IL1RAPL1: variants seen among roughly 807,000 people sequenced by gnomAD.
IL1RAPL1 encodes the protein interleukin 1 receptor accessory protein like 1.
A neutral mutation model predicts 48.4 loss-of-function variants in IL1RAPL1; 3 were observed. The observed-to-expected ratio is 0.06, with a 90% confidence interval of 0.03 to 0.16. The LOEUF is 0.16. IL1RAPL1 is among the 10% of genes least tolerant of loss of function. The pLI is 1.00. For missense variants in IL1RAPL1, 349 were observed against 530.6 expected (o/e 0.66, Z 3.36); for synonymous variants, 185 against 187.7 (o/e 0.99, Z 0.12).
intron 2 of IL1RAPL1, among the ~76,000 whole-genome samples, chrX:29,262,633 A>G (rs1931880086): frequency 9.2e-6 from 1 of 109,237 alleles, no homozygotes; most frequent in African/African-American, 3.3e-5. Flanking sequence ...ACTGAACTCC[A>G]GCCTTGGCAA....
At chrX:29,102,281 CT>C (rs1166730476) in intron 2 of IL1RAPL1, among the ~76,000 whole-genome samples, 2 of 112,156 alleles carry the variant, frequency 1.8e-5, no homozygotes, top group African/African-American at 3.2e-5. Flanking sequence ...AAGATGCCCA[CT>C]TTCACCACTG....
intron 2 of IL1RAPL1, among the ~76,000 whole-genome samples, chrX:28,843,966 C>T (rs1921441565): frequency 9.1e-6 from 1 of 109,915 alleles, no homozygotes; most frequent in African/African-American, 3.3e-5. Flanking sequence ...CTTATTGTTT[C>T]AATAGCCTCT....
chrX:29,680,164 TAA>T (rs1926406657), intron 6 of IL1RAPL1, among the ~76,000 whole-genome samples: 1 of 111,350 alleles, frequency 9.0e-6, no homozygotes, highest in Non-Finnish European at 1.9e-5. Context: ...ACAAATCACT[TAA>T]AAGACAGGAG....
intron 2 of IL1RAPL1, among the ~76,000 whole-genome samples, chrX:28,849,443 C>G (rs775689562): frequency 9.0e-6 from 1 of 111,728 alleles, no homozygotes; most frequent in East Asian, 2.8e-4. Flanking sequence ...TGTTCTTCTT[C>G]CTAGAAAATC....
At chrX:29,228,120 C>T (rs1408090440) in intron 2 of IL1RAPL1, among the ~76,000 whole-genome samples, 1 of 104,447 alleles carries the variant, frequency 9.6e-6, no homozygotes, top group Non-Finnish European at 1.9e-5. Context: ...TAGAACCTTG[C>T]GAGCCATTCC....
chrX:28,968,761 ATATGTGCACATTTGTGTGCATG>A (rs1227581691), intron 2 of IL1RAPL1, among the ~76,000 whole-genome samples: 2 of 112,914 alleles, frequency 1.8e-5, no homozygotes, highest in Non-Finnish European at 3.7e-5. Flanking sequence ...GTATACTCAC[ATATGTGCACATTTGTGTGCATG>A]TGTGTGCACA....
At chrX:28,763,133 G>T (rs1448130680) in intron 1 of IL1RAPL1, among the ~76,000 whole-genome samples, 1 of 110,954 alleles carries the variant, frequency 9.0e-6, no homozygotes, top group African/African-American at 3.3e-5. Flanking sequence ...TGGGTCATCT[G>T]CTTATTCCTG....
chrX:29,537,039 A>G (rs1370207767), intron 5 of IL1RAPL1, among the ~76,000 whole-genome samples: 1 of 111,072 alleles, frequency 9.0e-6, no homozygotes, highest in Admixed American at 9.6e-5. Flanking sequence ...TAGAGTACAC[A>G]TATAATTTCC....
intron 5 of IL1RAPL1, among the ~76,000 whole-genome samples, chrX:29,484,519 A>T (rs764570078): frequency 2.0e-4 from 22 of 112,251 alleles, no homozygotes; most frequent in African/African-American, 7.1e-4. Context: ...ACTATATTAG[A>T]TCATAATAAG....
intron 1 of IL1RAPL1, among the ~76,000 whole-genome samples, chrX:28,747,341 A>G (rs1236331580): frequency 8.9e-6 from 1 of 111,901 alleles, no homozygotes; most frequent in Non-Finnish European, 1.9e-5. Context: ...CCCTTGAATA[A>G]CAGTTCAGCA....
At chrX:28,946,905 T>G (rs1294301416) in intron 2 of IL1RAPL1, among the ~76,000 whole-genome samples, 1 of 111,944 alleles carries the variant, frequency 8.9e-6, no homozygotes, top group Non-Finnish European at 1.9e-5. Flanking sequence ...ATGAGTATTT[T>G]ATCAGTGTCA....
intron 6 of IL1RAPL1, among the ~76,000 whole-genome samples, chrX:29,724,950 G>T (rs1234414877): frequency 9.0e-6 from 1 of 111,496 alleles, no homozygotes; most frequent in Non-Finnish European, 1.9e-5. Flanking sequence ...GGTATTCTGA[G>T]AGGAGTGGGA....
At chrX:29,380,063 C>G (rs1016276732) in intron 3 of IL1RAPL1, among the ~76,000 whole-genome samples, 1 of 110,365 alleles carries the variant, frequency 9.1e-6, no homozygotes, top group Non-Finnish European at 1.9e-5. Flanking sequence ...GTACTCCAGG[C>G]TCATTCATGT....
chrX:29,454,598 T>A (rs1340069348), intron 5 of IL1RAPL1, among the ~76,000 whole-genome samples: 1 of 109,925 alleles, frequency 9.1e-6, no homozygotes, highest in African/African-American at 3.3e-5. Context: ...AGAACCAGAG[T>A]TGGAGAGAAA....
chrX:29,177,515 C>G (rs933199706), intron 2 of IL1RAPL1, among the ~76,000 whole-genome samples: 10 of 111,872 alleles, frequency 8.9e-5, no homozygotes, highest in Non-Finnish European at 1.9e-5. Context: ...ATAAGAATCA[C>G]TGTGTATACA....
chrX:28,895,986 G>A (rs909831806), intron 2 of IL1RAPL1, among the ~76,000 whole-genome samples: 21 of 112,230 alleles, frequency 1.9e-4, no homozygotes, highest in Admixed American at 9.4e-5. Flanking sequence ...CAGATGGCAC[G>A]CGGCTTAGGA....
chrX:29,021,556 C>T (rs1227166682), intron 2 of IL1RAPL1, among the ~76,000 whole-genome samples: 2 of 111,719 alleles, frequency 1.8e-5, no homozygotes, highest in African/African-American at 6.5e-5. Context: ...TACTTTAAAA[C>T]GTTTTATTGT....
chrX:29,819,122 G>T (rs1442692577), intron 6 of IL1RAPL1, among the ~76,000 whole-genome samples: 1 of 111,363 alleles, frequency 9.0e-6, no homozygotes, highest in South Asian at 3.7e-4. Flanking sequence ...CTTTAAATTG[G>T]CCTGAAAATA....
At chrX:28,795,652 G>C (rs376980155) in intron 2 of IL1RAPL1, among the ~76,000 whole-genome samples, 384 of 110,761 alleles carry the variant, frequency 3.5e-3, no homozygotes, top group African/African-American at 0.012. Context: ...ATTATTATTA[G>C]TTGTATTAGT....
Sources: gnomAD v4.1 joint callset for allele counts (sites outside exome capture counted in the v4.1 genomes callset) on GRCh38, gnomAD v4.1.1 for gene constraint, MANE v1.5 for transcripts, NCBI Gene and HGNC (gene_info 2026-07-23, HGNC 2026-07-21) for gene names.